CELF2: variants seen among roughly 807,000 people sequenced by gnomAD.
CELF2 encodes the protein CUG triplet repeat RNA-binding protein 2.
Under a neutral mutation model 62.6 loss-of-function variants are expected in CELF2, and 8 were observed. The observed-to-expected ratio is 0.13, with a 90% CI of 0.07 to 0.23. The LOEUF (loss-of-function observed/expected upper bound fraction) is 0.23, where lower values mean the gene tolerates loss of function less well. Ranked by LOEUF, CELF2 falls within the 10% of genes least tolerant of loss-of-function variation. The pLI, the probability that CELF2 is intolerant of heterozygous loss-of-function variation, is 1.00. For synonymous variants in CELF2, 258 were observed against 250.0 expected, an observed-to-expected ratio of 1.03 and a Z score of -0.30; for missense variants, 333 against 671.0, an observed-to-expected ratio of 0.50 and a Z score of 5.56.
chr10:10,723,302 G>C, the CELF2 span, among the ~76,000 whole-genome samples: 115 of 152,250 alleles, frequency 7.6e-4, no homozygotes, highest in East Asian at 0.018. Context: ...TTGACTTTTG[G>C]TCATCTGAAA....
intron 1 of CELF2, among the ~76,000 whole-genome samples, chr10:11,021,021 A>T (rs1183695019): frequency 6.6e-6 from 1 of 151,904 alleles, no homozygotes; most frequent in Non-Finnish European, 1.5e-5. Flanking sequence ...ACAGGCACTG[A>T]TTTTTTTTTA....
the CELF2 span, among the ~76,000 whole-genome samples, chr10:10,601,652 A>G: frequency 1.3e-5 from 2 of 152,182 alleles, no homozygotes; most frequent in African/African-American, 4.8e-5. Context: ...GTCTTAAAAC[A>G]AACAAAAAAC....
chr10:10,626,475 G>A, the CELF2 span, among the ~76,000 whole-genome samples: 1 of 151,966 alleles, frequency 6.6e-6, no homozygotes, highest in African/African-American at 2.4e-5. Context: ...TTTCATGCAT[G>A]TGAAACCTAT....
intron 1 of CELF2, among the ~76,000 whole-genome samples, chr10:10,836,760 C>T (rs191274779): frequency 7.0e-4 from 107 of 152,280 alleles, no homozygotes; most frequent in East Asian, 4.3e-3. Flanking sequence ...TTCAGCTTCC[C>T]GAGTAACTGG....
chr10:10,622,278 G>T, the CELF2 span, among the ~76,000 whole-genome samples: 1 of 152,152 alleles, frequency 6.6e-6, no homozygotes, highest in Admixed American at 6.5e-5. Context: ...CTCAGCAGAG[G>T]ATTCATCACC....
chr10:10,830,236 C>T (rs989848027), intron 1 of CELF2, among the ~76,000 whole-genome samples: 25 of 140,674 alleles, frequency 1.8e-4, no homozygotes, highest in South Asian at 4.4e-4. Flanking sequence ...GATTTCCAAA[C>T]GGCAATACAA....
chr10:10,792,679 C>T, the CELF2 span, among the ~76,000 whole-genome samples: 2 of 152,180 alleles, frequency 1.3e-5, no homozygotes, highest in Non-Finnish European at 2.9e-5. Context: ...TTGGGTATTC[C>T]TTTGTCCCTG....
the CELF2 span, among the ~76,000 whole-genome samples, chr10:10,574,685 T>C: frequency 6.8e-6 from 1 of 146,650 alleles, no homozygotes; most frequent in Non-Finnish European, 1.5e-5. Flanking sequence ...GCTGGCAGTA[T>C]GTATGTTAAT....
intron 1 of CELF2, among the ~76,000 whole-genome samples, chr10:10,826,698 G>A (rs2057417882): frequency 6.6e-6 from 1 of 152,186 alleles, no homozygotes; most frequent in African/African-American, 2.4e-5. Context: ...GGAAACAATA[G>A]ATACAGTGAA....
intron 1 of CELF2, among the ~76,000 whole-genome samples, chr10:11,083,452 T>C (rs527973631): frequency 3.9e-5 from 6 of 152,220 alleles, no homozygotes; most frequent in African/African-American, 1.4e-4. Context: ...ATGATGGTGG[T>C]ATCTATTTCT....
At chr10:11,099,733 T>A (rs2050909654) in intron 1 of CELF2, among the ~76,000 whole-genome samples, 1 of 152,176 alleles carries the variant, frequency 6.6e-6, no homozygotes, top group African/African-American at 2.4e-5. Context: ...CTATTTTATT[T>A]CTATACATTA....
At chr10:11,304,924 C>G (rs1321288391) in intron 9 of CELF2, among the ~76,000 whole-genome samples, 2 of 152,292 alleles carry the variant, frequency 1.3e-5, no homozygotes, top group South Asian at 4.1e-4. Flanking sequence ...TTTTAGTTCC[C>G]TCTCCAAACA....
the CELF2 span, among the ~76,000 whole-genome samples, chr10:10,594,333 G>A: frequency 6.6e-6 from 1 of 152,156 alleles, no homozygotes. Flanking sequence ...TTCTATGAGA[G>A]GTAAGTTTGA....
intron 1 of CELF2, among the ~76,000 whole-genome samples, chr10:11,052,401 A>C (rs941600361): frequency 2.6e-5 from 4 of 152,078 alleles, no homozygotes; most frequent in African/African-American, 9.7e-5. Context: ...TGATGCAGAC[A>C]CCTGAGATTG....
In CELF2 at chr10:10,829,274, GA is replaced by G. The variant is rs149280383; in HGVS notation, c.53+30461del. Among the ~76,000 whole-genome samples, 277 of 152,298 alleles carry G rather than the reference GA, an allele frequency of 1.8e-3. 5 individuals are homozygous for G. In the East Asian group the frequency reaches 0.041, roughly 23 times the overall value. On this transcript the variant is annotated intron_variant, in intron 1 of 13. Coordinates refer to the CELF2 transcript ENST00000636488. The stretch of plus-strand genomic sequence containing the variant: ...GCAAACAAAGCATGATATGATACAG[GA>G]AAACAGTCACAATTATTCATACAGT...
At chr10:10,518,463 G>A in the CELF2 span, among the ~76,000 whole-genome samples, 4 of 152,154 alleles carry the variant, frequency 2.6e-5, no homozygotes, top group African/African-American at 9.7e-5. Flanking sequence ...TGCTTAACCT[G>A]TCTGAGTTCT....
At chr10:11,204,479 G>A (rs948641917) in intron 2 of CELF2, among the ~76,000 whole-genome samples, 17 of 152,314 alleles carry the variant, frequency 1.1e-4, no homozygotes, top group South Asian at 1.0e-3. Flanking sequence ...AAAATGCTCC[G>A]GTGAGAGTCA....
chr10:10,680,641 C>T, the CELF2 span, among the ~76,000 whole-genome samples: 6 of 152,326 alleles, frequency 3.9e-5, no homozygotes, highest in African/African-American at 1.4e-4. Context: ...CCAAAAATCA[C>T]TTGGATAGCG....
intron 5 of CELF2, among the ~76,000 whole-genome samples, chr10:11,266,063 T>TA (rs559605555): frequency 3.2e-4 from 48 of 152,350 alleles, no homozygotes; most frequent in African/African-American, 1.1e-3. Flanking sequence ...TACATATATA[T>TA]TTTTTAACTA....
Sources: gnomAD v4.1 joint callset for allele counts (sites outside exome capture counted in the v4.1 genomes callset) on GRCh38, gnomAD v4.1.1 for gene constraint, MANE v1.5 for transcripts, NCBI Gene and HGNC (gene_info 2026-07-23, HGNC 2026-07-21) for gene names.